TOX: variants seen among roughly 807,000 people sequenced by gnomAD.
The protein encoded by TOX is thymocyte selection-associated high mobility group box protein TOX.
TOX carries 11 observed loss-of-function variants against 53.7 expected under a neutral mutation model. The observed-to-expected ratio is 0.20, with a 90% CI of 0.13 to 0.34. TOX has a LOEUF of 0.34. Ranked by LOEUF, TOX falls within the 10% of genes least tolerant of loss-of-function variation. The pLI is 1.00. For synonymous variants in TOX, 225 were observed against 245.3 expected (o/e 0.92, Z 0.77); for missense variants, 570 against 664.6 (o/e 0.86, Z 1.56).
At chr8:58,971,199 C>G (rs897104936) in intron 1 of TOX, among the ~76,000 whole-genome samples, 1 of 152,204 alleles carries the variant, frequency 6.6e-6, no homozygotes, top group Non-Finnish European at 1.5e-5. Flanking sequence ...TGCGGGTGGG[C>G]ACTGCTCTGA....
At chr8:58,893,053 C>A (rs985699682) in intron 3 of TOX, among the ~76,000 whole-genome samples, 1 of 152,118 alleles carries the variant, frequency 6.6e-6, no homozygotes, top group Non-Finnish European at 1.5e-5. Flanking sequence ...AATAAATTGT[C>A]TTTATATTAC....
intron 1 of TOX, among the ~76,000 whole-genome samples, chr8:59,086,393 C>A (rs1026546945): frequency 6.6e-6 from 1 of 152,178 alleles, no homozygotes; most frequent in Non-Finnish European, 1.5e-5. Flanking sequence ...CTCTTCCCAG[C>A]AGTCCATGTC....
intron 3 of TOX, among the ~76,000 whole-genome samples, chr8:58,907,276 A>G (rs1811831939): frequency 6.6e-6 from 1 of 152,176 alleles, no homozygotes; most frequent in Non-Finnish European, 1.5e-5. Flanking sequence ...ATTGGACTTG[A>G]TAATTTGGTC....
chr8:58,890,017 AT>A (rs869138301), intron 3 of TOX, among the ~76,000 whole-genome samples: 2 of 152,186 alleles, frequency 1.3e-5, no homozygotes, highest in African/African-American at 2.4e-5. Context: ...ATAGAAAAAT[AT>A]TTTTAAAAAA....
intron 1 of TOX, among the ~76,000 whole-genome samples, chr8:58,985,929 C>G (rs148496236): frequency 9.4e-4 from 143 of 152,246 alleles, no homozygotes; most frequent in African/African-American, 3.3e-3. Context: ...CTTGCAAGAG[C>G]ACCAAGGGCC....
intron 1 of TOX, among the ~76,000 whole-genome samples, chr8:59,083,655 T>G (rs547522437): frequency 1.3e-5 from 2 of 152,240 alleles, no homozygotes; most frequent in South Asian, 4.1e-4. Flanking sequence ...TCTCTGTCCC[T>G]CCTCCTCCTG....
chr8:59,032,944 T>C (rs1358201889), intron 1 of TOX, among the ~76,000 whole-genome samples: 1 of 151,784 alleles, frequency 6.6e-6, no homozygotes, highest in East Asian at 1.9e-4. Context: ...GGCAGGAGAA[T>C]TGCTTGGACC....
intron 1 of TOX, among the ~76,000 whole-genome samples, chr8:59,002,571 A>C (rs1184732901): frequency 6.6e-6 from 1 of 151,096 alleles, no homozygotes; most frequent in Non-Finnish European, 1.5e-5. Flanking sequence ...AGCCTGGGCA[A>C]CACAGCAAGA....
chr8:59,059,137 T>TCA (rs1554542842), intron 1 of TOX, among the ~76,000 whole-genome samples: 1 of 152,216 alleles, frequency 6.6e-6, no homozygotes, highest in Non-Finnish European at 1.5e-5. Context: ...TTTAAGTAGA[T>TCA]AATGAGGGTG....
intron 1 of TOX, among the ~76,000 whole-genome samples, chr8:59,005,211 T>C (rs1292099879): frequency 6.6e-6 from 1 of 152,098 alleles, no homozygotes; most frequent in Non-Finnish European, 1.5e-5. Flanking sequence ...GCTAATTTTT[T>C]GTATTTTTAG....
At chr8:58,866,806 G>A (rs1009926677) in intron 3 of TOX, among the ~76,000 whole-genome samples, 3 of 152,196 alleles carry the variant, frequency 2.0e-5, no homozygotes, top group Admixed American at 1.3e-4. Context: ...CAAGTTATGA[G>A]AAATGCACTT....
chr8:58,921,869 T>C (rs1812081324), intron 3 of TOX, among the ~76,000 whole-genome samples: 1 of 152,252 alleles, frequency 6.6e-6, no homozygotes, highest in Non-Finnish European at 1.5e-5. Context: ...TTAATGTTTA[T>C]ACTTCAAAAG....
At chr8:58,960,182 C>T (rs1812777681) in intron 1 of TOX, among the ~76,000 whole-genome samples, 174 bp from the exon 2 acceptor site, 1 of 152,184 alleles carries the variant, frequency 6.6e-6, no homozygotes, top group Non-Finnish European at 1.5e-5. Flanking sequence ...TTTGATGTTT[C>T]TGTTGTCATC....
At chr8:58,886,872 G>C in intron 3 of TOX, among the ~76,000 whole-genome samples, 1 of 151,056 alleles carries the variant, frequency 6.6e-6, no homozygotes, top group East Asian at 1.9e-4. Context: ...TTATTGGCTA[G>C]TACTTTCAAT....
At chr8:58,994,452 T>A (rs937142294) in intron 1 of TOX, among the ~76,000 whole-genome samples, 1 of 151,464 alleles carries the variant, frequency 6.6e-6, no homozygotes, top group Non-Finnish European at 1.5e-5. Context: ...TTTTTTTTTT[T>A]AAAGAAAGGA....
At chr8:59,022,113 A>G (rs963413904) in intron 1 of TOX, among the ~76,000 whole-genome samples, 1 of 152,240 alleles carries the variant, frequency 6.6e-6, no homozygotes, top group African/African-American at 2.4e-5. Context: ...TTAAATGCAG[A>G]AGGTGTTTAT....
chr8:58,810,427 A>C (rs929425996), intron 7 of TOX, among the ~76,000 whole-genome samples: 1 of 151,762 alleles, frequency 6.6e-6, no homozygotes, highest in East Asian at 1.9e-4. Flanking sequence ...TGCAGTCTCG[A>C]CCTCCTGGGC....
intron 1 of TOX, among the ~76,000 whole-genome samples, chr8:58,973,310 T>C (rs1318957097): frequency 1.3e-5 from 2 of 152,200 alleles, no homozygotes; most frequent in Non-Finnish European, 2.9e-5. Context: ...AATCCATTTG[T>C]ATTAGTGGTT....
chr8:58,827,267 A>G (rs893594957), intron 5 of TOX, among the ~76,000 whole-genome samples: 5 of 152,224 alleles, frequency 3.3e-5, no homozygotes, highest in African/African-American at 4.8e-5. Flanking sequence ...TAATGGGCAG[A>G]TAACTCCACA....
Sources: gnomAD v4.1 joint callset for allele counts (sites outside exome capture counted in the v4.1 genomes callset) on GRCh38, gnomAD v4.1.1 for gene constraint, MANE v1.5 for transcripts, NCBI Gene and HGNC (gene_info 2026-07-23, HGNC 2026-07-21) for gene names.